PIWIL2: variants seen among roughly 807,000 people sequenced by gnomAD.
The protein encoded by PIWIL2 is piwi-like protein 2.
A neutral mutation model predicts 116.5 loss-of-function variants in PIWIL2; 81 were observed. That is an observed-to-expected ratio of 0.70 (90% CI 0.58 to 0.84). PIWIL2 has a LOEUF of 0.84. PIWIL2 is among the 40% of genes least tolerant of loss of function. The pLI, the probability that PIWIL2 is intolerant of heterozygous loss-of-function variation, is 0.00. For synonymous variants in PIWIL2, 489 were observed against 429.5 expected (o/e 1.14, Z -1.71); for missense variants, 1,272 against 1,212.3 (o/e 1.05, Z -0.73).
At position 22,316,306 on chromosome 8, in the gene PIWIL2, T is replaced by C; in HGVS notation, c.2270T>C (p.Val757Ala). The C allele has an allele frequency of 6.2e-7, 1 of 1,612,622 alleles. No individual in the cohort carries two copies. The highest frequency in any genetic ancestry group is 8.5e-7 in the Non-Finnish European group (1 of 1,178,628). The change falls in exon 19 of 23, where the codon GTG becomes GCG. Residue 757 changes from valine to alanine, a missense_variant. Physicochemically the swap from Val to Ala is moderately conservative, Grantham distance 64 (BLOSUM62 0). Coordinates refer to ENST00000356766, the MANE Select transcript of PIWIL2 (RefSeq NM_018068.5). The stretch of plus-strand genomic sequence containing the variant: ...GACCCCAGTAGAGGCATGCGCTCCG[T>C]GGTTGGCTTCGTGGCAAGCATCAAT... ...YHDPSRGMRSVVGFVASINLT... is the reference protein window; with the variant it reads ...YHDPSRGMRSAVGFVASINLT...
chr8:22,294,674 A>G (rs1174626860), intron 10 of PIWIL2, among the ~76,000 whole-genome samples: 1 of 149,484 alleles, frequency 6.7e-6, no homozygotes, highest in Non-Finnish European at 1.5e-5. Flanking sequence ...AAAAAGAAAA[A>G]CATCAGTTGG....
At chr8:22,314,457 A>C in intron 17 of PIWIL2, 28 bp downstream of exon 17, 1 of 1,227,022 alleles carries the variant, frequency 8.1e-7, no homozygotes, top group Non-Finnish European at 1.1e-6. Context: ...CAGGAGGCGC[A>C]GATGGCACCT....
Position 22,304,205 on chromosome 8 carries a change from T to G in PIWIL2, c.1366T>G (p.Tyr456Asp). The change falls in exon 11 of 23, where the codon TAC becomes GAC. Residue 456 changes from tyrosine (Y) to aspartate (D), a missense_variant. Transcript: ENST00000356766. ...GAAAGAGATCACATTCTTGGAATAC[T>G]ACAGGTAGCAAGAAGAGACTGGGTT... Reference protein sequence around the residue: ...DGKEITFLEYYSKNYGITVKE... With the variant: ...DGKEITFLEYDSKNYGITVKE... 1 of 1,610,136 alleles carries G rather than the reference T, an allele frequency of 6.2e-7. No individual in the cohort carries two copies. The highest frequency in any genetic ancestry group is 8.5e-7 in the Non-Finnish European group (1 of 1,177,024).
intron 22 of PIWIL2, among the ~76,000 whole-genome samples, chr8:22,354,643 G>A (rs971123914): frequency 5.3e-5 from 8 of 152,100 alleles, no homozygotes; most frequent in Non-Finnish European, 8.8e-5. Flanking sequence ...TGTTCCAGGC[G>A]ATTATGACAT....
At chr8:22,323,071 A>C (rs865900507) in intron 20 of PIWIL2, among the ~76,000 whole-genome samples, 2 of 140,158 alleles carry the variant, frequency 1.4e-5, no homozygotes, top group Non-Finnish European at 3.0e-5. Context: ...ACACCACCAC[A>C]CCCAGCTAAT....
chr8:22,287,066 C>T (rs934496384), intron 6 of PIWIL2, among the ~76,000 whole-genome samples: 2 of 150,190 alleles, frequency 1.3e-5, no homozygotes, highest in African/African-American at 4.9e-5. Context: ...GCCTGGGTGA[C>T]AAAGGAAGAC....
chr8:22,328,748 A>G (rs926131162), intron 20 of PIWIL2, among the ~76,000 whole-genome samples: 1 of 150,736 alleles, frequency 6.6e-6, no homozygotes, highest in Non-Finnish European at 1.5e-5. Flanking sequence ...TGGCATATAG[A>G]AACACAACTG....
intron 19 of PIWIL2, among the ~76,000 whole-genome samples, chr8:22,316,757 C>T (rs2132054391): frequency 1.3e-5 from 2 of 152,176 alleles, no homozygotes; most frequent in Middle Eastern, 6.9e-3. Flanking sequence ...GCTTGGATTA[C>T]AGGCGTGAGC....
chr8:22,294,336 T>TTTA (rs1830835240), intron 10 of PIWIL2, among the ~76,000 whole-genome samples: 1 of 80,652 alleles, frequency 1.2e-5, no homozygotes, highest in Non-Finnish European at 2.3e-5. Context: ...AGACTGTCTT[T>TTTA]AAAAAAAAAA....
chr8:22,298,240 C>T (rs1412936399), intron 10 of PIWIL2, among the ~76,000 whole-genome samples: 5 of 151,336 alleles, frequency 3.3e-5, no homozygotes, highest in Admixed American at 1.3e-4. Context: ...CCAGCCTGGC[C>T]AATGGAGTGA....
intron 20 of PIWIL2, among the ~76,000 whole-genome samples, chr8:22,326,159 C>G (rs979560855): frequency 6.6e-6 from 1 of 152,044 alleles, no homozygotes; most frequent in South Asian, 2.1e-4. Flanking sequence ...CCTCGCCTTC[C>G]CAGCCTGGAA....
intron 8 of PIWIL2, among the ~76,000 whole-genome samples, chr8:22,289,066 A>T (rs1280237621): frequency 2.0e-5 from 3 of 151,918 alleles, no homozygotes; most frequent in Non-Finnish European, 4.4e-5. Context: ...TAATTGTTTA[A>T]CTTCTTTTGA....
chr8:22,291,775 TAG>T (rs979530779), intron 10 of PIWIL2, among the ~76,000 whole-genome samples: 4 of 152,268 alleles, frequency 2.6e-5, no homozygotes, highest in African/African-American at 7.2e-5. Flanking sequence ...ACCAGAGTCT[TAG>T]GACCTATCAG....
rs760913894 is a variant in PIWIL2, at chr8:22,353,764, CTTTTTTTTTT to C, written c.2658-488_2658-479del. Among the ~76,000 whole-genome samples the C allele has an allele frequency of 2.5e-4, 17 of 68,364 alleles. 1 individual carries two copies. The highest frequency in any genetic ancestry group is 1.4e-3 in the East Asian group (2 of 1,470). 44.8% of individuals were successfully genotyped at this position (68,364 alleles called of 152,430 possible). On this transcript the variant is annotated intron_variant, in intron 21 of 22. Transcript: ENST00000356766. ...CAGGAAGATAAGGGAGTTTCTACCA[CTTTTTTTTTT>C]TTTTTTTTTTTTTTTTTTGAGGCAG...
At chr8:22,351,525 GTTT>G (rs542516480) in intron 20 of PIWIL2, among the ~76,000 whole-genome samples, 1 of 115,536 alleles carries the variant, frequency 8.7e-6, no homozygotes, top group Non-Finnish European at 1.8e-5. Context: ...TTTTTTTGGT[GTTT>G]TTTTTTTGTT....
intron 10 of PIWIL2, among the ~76,000 whole-genome samples, chr8:22,298,238 G>A (rs551199102): frequency 2.9e-4 from 44 of 151,982 alleles, no homozygotes; most frequent in African/African-American, 9.9e-4. Flanking sequence ...CTCCAGCCTG[G>A]CCAATGGAGT....
intron 10 of PIWIL2, among the ~76,000 whole-genome samples, chr8:22,290,757 T>C (rs564136216): frequency 1.3e-5 from 2 of 151,972 alleles, no homozygotes; most frequent in African/African-American, 2.4e-5. Flanking sequence ...CAGCCCTGTT[T>C]AGATTTTTAG....
Position 22,314,372 on chromosome 8 carries a change from T to C in PIWIL2, c.2034T>C (p.Asp678=). ...MVVCIIMGPR[D]DLYGAIKKLC... ...TTTGCATCATCATGGGCCCACGTGA[T>C]GATCTCTATGGGGCCATCAAGAAGC... The change falls in exon 17 of 23, where the codon GAT becomes GAC. Residue 678 remains aspartate, a synonymous_variant. Transcript: ENST00000356766. The C allele has an allele frequency of 6.3e-7, 1 of 1,584,336 alleles. No homozygotes were observed. Among genetic ancestry groups the C allele is most frequent in the South Asian group, 1.2e-5 (1 of 86,206 alleles).
chr8:22,278,540 C>T (rs1365181244), intron 1 of PIWIL2, among the ~76,000 whole-genome samples: 3 of 152,198 alleles, frequency 2.0e-5, no homozygotes, highest in African/African-American at 7.2e-5. Flanking sequence ...CCTTATACAA[C>T]AGCTAGTTAA....
Sources: gnomAD v4.1 joint callset for allele counts (sites outside exome capture counted in the v4.1 genomes callset) on GRCh38, gnomAD v4.1.1 for gene constraint, MANE v1.5 for transcripts, NCBI Gene and HGNC (gene_info 2026-07-23, HGNC 2026-07-21) for gene names.